Variants in PNKP observed in about 807,000 individuals in gnomAD.
PNKP encodes bifunctional polynucleotide phosphatase/kinase.
A neutral mutation model predicts 66.2 loss-of-function variants in PNKP; 82 were observed. The observed-to-expected ratio is 1.24, with a 90% CI of 1.04 to 1.49. The LOEUF is 1.49. Ranked by LOEUF, PNKP falls within the 40% of genes most tolerant of loss-of-function variation. PNKP has a pLI of 0.00. For synonymous variants in PNKP, 412 were observed against 298.9 expected (o/e 1.38, Z -3.90); for missense variants, 907 against 706.8 (o/e 1.28, Z -3.21).
At chr19:49,863,028 C>T (rs1008720351) in intron 8 of PNKP, among the ~76,000 whole-genome samples, 2 of 152,146 alleles carry the variant, frequency 1.3e-5, no homozygotes, top group Admixed American at 1.3e-4. Context: ...GGCGTGCCGG[C>T]GCCTCCCAGG....
chr19:49,866,267 T>C (rs1000619906), intron 3 of PNKP, 132 bp downstream of exon 3: 106 of 866,478 alleles, frequency 1.2e-4, no homozygotes, highest in Admixed American at 2.4e-4. Context: ...CCCAAAGTGC[T>C]GGGATTACAG....
chr19:49,861,532 C>A lies in PNKP; in HGVS notation c.1387-22G>T, dbSNP rs200307678. The A allele has an allele frequency of 2.1e-5, 26 of 1,226,186 alleles. No homozygotes were observed. The South Asian group carries it at 2.8e-4, about 13-fold the overall frequency. The allele number at this position is 1,226,186 out of a possible 1,614,324, so 76.0% of individuals were successfully genotyped here. On this transcript the variant is annotated intron_variant, in intron 15 of 16. Transcript: ENST00000322344. ...GAAACTGTGGGGAACATCAGAGGGG[C>A]GGCAGGCCCAGGGGTCAGGGGAGGA...
intron 2 of PNKP, chr19:49,866,704 G>A (rs907299452): frequency 1.6e-6 from 1 of 612,878 alleles, no homozygotes. Context: ...CTAGATATAG[G>A]TCCGGGGCTT....
In PNKP at chr19:49,863,941, C is replaced by G. The variant is rs1299264650; in HGVS notation, c.744+23G>C. 5 of 1,579,888 alleles carry G rather than the reference C, an allele frequency of 3.2e-6. No homozygotes were observed. In the Admixed American group the frequency reaches 8.4e-5, roughly 26 times the overall value. ...TGGATCTCTGTGCCCCCACATAGCT[C>G]CCAGCCTCCCTTCCAGCCATACCTG... On this transcript the variant is annotated intron_variant, in intron 7 of 16. Coordinates refer to ENST00000322344, the MANE Select transcript of PNKP (RefSeq NM_007254.4).
chr19:49,867,108 G>A lies in PNKP; in HGVS notation c.97C>T (p.Leu33=), dbSNP rs778423306. 6.2e-7 allele frequency: 1 copy of A among 1,613,626 alleles called. No individual in the cohort carries two copies. Among genetic ancestry groups the A allele is most frequent in the East Asian group, 2.2e-5 (1 of 44,876 alleles). ...ACCTGGGTCAGGGGTCCCCTGCCCA[G>A]GACCAGGGCTTGCCCGTCCGAGGGC... ...FLPSDGQALV[L]GRGPLTQVTD... is the part of the protein sequence containing the mutation. The change falls in exon 2 of 17, where the codon CTG becomes TTG. Residue 33 remains leucine (L), a synonymous_variant. Coordinates refer to ENST00000322344, the MANE Select transcript of PNKP (RefSeq NM_007254.4).
At chr19:49,867,397 G>C (rs1244419410) in intron 1 of PNKP, 72 bp downstream of exon 1, 1 of 638,468 alleles carries the variant, frequency 1.6e-6, no homozygotes, top group Non-Finnish European at 2.7e-6. Context: ...ATCCCTCCCC[G>C]AGTTGCAATC....
Position 49,861,798 on chromosome 19 carries a change from TGTGTTGTC to T in PNKP, c.1264_1271del (p.Asp422LysfsTer69), listed in dbSNP as rs1243918665. 1 of 1,572,904 alleles carries T rather than the reference TGTGTTGTC, an allele frequency of 6.4e-7. No individual in the cohort carries two copies. Among genetic ancestry groups the T allele is most frequent in the Admixed American group, 1.9e-5 (1 of 53,510 alleles). ...TGGCGCGGCTCGCGGCGTCTGGGTT[TGTGTTGTC>T]GATGGCGACCCGTTTCCCTTGCTTC... On this transcript the variant is annotated frameshift_variant, in exon 14 of 17. Coordinates refer to ENST00000322344, the MANE Select transcript of PNKP (RefSeq NM_007254.4). LOFTEE classifies it high-confidence loss of function.
chr19:49,861,752 C>CGGCCCCGCGGTCA lies in PNKP; in HGVS notation c.1298+7_1298+19dup. ...CGCCCACCCCGCCGCAGGCCACCTA[C>CGGCCCCGCGGTCA]GGCCCCGCGGTCACGCTACCTGGCG... On this transcript the variant is annotated intron_variant, in intron 14 of 16. Coordinates refer to ENST00000322344, the MANE Select transcript of PNKP (RefSeq NM_007254.4). The CGGCCCCGCGGTCA allele has an allele frequency of 1.3e-6, 2 of 1,559,046 alleles. No homozygotes were observed. The highest frequency in any genetic ancestry group is 2.3e-5 in the South Asian group (2 of 85,146).
rs747484951 is a variant in PNKP at position 49,863,100 on chromosome 19, G to T, written c.817-362C>A. On this transcript the variant is annotated intron_variant, in intron 8 of 16. Coordinates refer to ENST00000322344, the MANE Select transcript of PNKP (RefSeq NM_007254.4). ...GTGGCCCTGCCCTCTCCCCTCCCTC[G>T]CTTAGAGCCAGCCGCATGGGCCTCG... Among the ~76,000 whole-genome samples, 46 of 152,196 alleles carry T rather than the reference G, an allele frequency of 3.0e-4. No homozygotes were observed. Among genetic ancestry groups the T allele is most frequent in the Admixed American group, 5.9e-4 (9 of 15,286 alleles).
At position 49,861,848 on chromosome 19, in the gene PNKP, T is replaced by G. The variant is rs1381701862; in HGVS notation, c.1222A>C (p.Thr408Pro). 6.3e-7 allele frequency: 1 copy of G among 1,594,366 alleles called. No individual in the cohort carries two copies. Among genetic ancestry groups the G allele is most frequent in the African/African-American group, 1.3e-5 (1 of 74,526 alleles). ...TLGSWQRCVTTCETALKQGKR... is the reference protein window; with the variant it reads ...TLGSWQRCVTPCETALKQGKR... Reference sequence around the variant, plus strand: ...CCTTGCTTCAGGGCTGTCTCACACGTGGTCACACAGCGCTGCCAGGAGCCT... The same window carrying G: ...CCTTGCTTCAGGGCTGTCTCACACGGGGTCACACAGCGCTGCCAGGAGCCT... Residue 408 changes from threonine to proline, a missense_variant, in exon 14 of 17, where the codon ACG becomes CCG. Physicochemically the swap from Thr to Pro is conservative, Grantham distance 38. Coordinates refer to ENST00000322344, the MANE Select transcript of PNKP (RefSeq NM_007254.4).
Position 49,862,701 on chromosome 19 carries a change from A to T in PNKP, c.854T>A (p.Ile285Asn). 6.2e-7 allele frequency: 1 copy of T among 1,614,070 alleles called. No homozygotes were observed. Among genetic ancestry groups the T allele is most frequent in the South Asian group, 1.1e-5 (1 of 91,086 alleles). Residue 285 changes from isoleucine to asparagine, a missense_variant, in exon 9 of 17, where the codon ATC (isoleucine) becomes AAC (asparagine). Coordinates refer to ENST00000322344, the MANE Select transcript of PNKP (RefSeq NM_007254.4). ...CTCCAGGCCCTTACCTCCCACAAAG[A>T]TGCTGTCCCCGATGGATATGGGCGT... ...DGTPISIGDS[I>N]FVGDAAGRPA... is the part of the protein sequence containing the mutation.
rs796052856 is a variant in PNKP at position 49,861,468 on chromosome 19, T to C, written c.1429A>G (p.Met477Val). 4.3e-6 allele frequency: 7 copies of C among 1,613,336 alleles called. No homozygotes were observed. The Admixed American group carries it at 6.7e-5, about 15-fold the overall frequency. ...TDSSHIPVSD[M>V]VMYGYRKQFE... is the part of the protein sequence containing the mutation. The stretch of plus-strand genomic sequence containing the variant: ...CAGTACCTGTAGCCATACATGACCA[T>C]GTCTGACACGGGGATATGAGAGGAG... Residue 477 changes from methionine (M) to valine (V), a missense_variant, in exon 16 of 17, where the codon ATG becomes GTG. Transcript: ENST00000322344.
chr19:49,867,438 C>T (rs1420527452), intron 1 of PNKP, 31 bp downstream of exon 1: 8 of 589,814 alleles, frequency 1.4e-5, no homozygotes, highest in African/African-American at 1.3e-4. Context: ...CAGAGAGCCT[C>T]GCACATGCCT....
rs1277029925 is a variant in PNKP, at chr19:49,866,893, T to C, written c.151+161A>G. 4 of 788,264 alleles carry C rather than the reference T, an allele frequency of 5.1e-6. No individual in the cohort carries two copies. The African/African-American group carries it at 6.8e-5, about 13-fold the overall frequency. The allele number at this position is 788,264 out of a possible 1,614,324, so 48.8% of individuals were successfully genotyped here. ...CTCCCCCAAAGGATCTAGCTAATTC[T>C]AAATCAAGCACAAACTTTATCTTCC... On this transcript the variant is annotated intron_variant, in intron 2 of 16. Coordinates refer to ENST00000322344, the MANE Select transcript of PNKP (RefSeq NM_007254.4).
In PNKP at chr19:49,864,382, C is replaced by G; in HGVS notation, c.520G>C (p.Gly174Arg). 1 of 1,613,890 alleles carries G rather than the reference C, an allele frequency of 6.2e-7. No homozygotes were observed. ...QGKVAGFDLDGTLITTRSGKV... is the reference protein window; with the variant it reads ...QGKVAGFDLDRTLITTRSGKV... ...CCAGAGCGTGTGGTGATGAGCGTCC[C>G]GTCCAGATCAAAGCCAGCCACCTGG... The change falls in exon 5 of 17, where the codon GGG becomes CGG. Residue 174 changes from glycine (G) to arginine (R), a missense_variant. Gly to Arg is a moderately radical substitution (Grantham distance 125). Coordinates refer to ENST00000322344, the MANE Select transcript of PNKP (RefSeq NM_007254.4).
intron 8 of PNKP, chr19:49,862,943 G>A (rs1320360247): frequency 1.0e-5 from 7 of 666,812 alleles, no homozygotes; most frequent in South Asian, 3.3e-5. Context: ...CTCCCTCCAG[G>A]TCTCCCGACT....
Position 49,861,329 on chromosome 19 carries a change from G to C in PNKP, c.1485C>G (p.Phe495Leu). 1 of 1,614,208 alleles carries C rather than the reference G, an allele frequency of 6.2e-7. No homozygotes were observed. Among genetic ancestry groups the C allele is most frequent in the Non-Finnish European group, 8.5e-7 (1 of 1,180,026 alleles). The change falls in exon 17 of 17, where the codon TTC becomes TTG. Residue 495 changes from phenylalanine (F) to leucine (L), a missense_variant. Phe to Leu is a conservative substitution (Grantham distance 22). Coordinates refer to ENST00000322344, the MANE Select transcript of PNKP (RefSeq NM_007254.4). ...GGAACGGGATCTCCAGGATGGCAGA[G>C]AAGCCTTCAGCCAGCGTTGGGGCCT... The part of the protein sequence containing the change: ...QFEAPTLAEG[F>L]SAILEIPFRL...
chr19:49,866,012 T>G, intron 3 of PNKP: 2 of 337,664 alleles, frequency 5.9e-6, no homozygotes, highest in South Asian at 5.0e-5. Context: ...CCCAGCCATA[T>G]TTTTTCTTTT....
intron 8 of PNKP, among the ~76,000 whole-genome samples, chr19:49,863,058 A>G (rs1202287964): frequency 1.3e-5 from 2 of 152,090 alleles, no homozygotes; most frequent in African/African-American, 4.8e-5. Context: ...CCTCAGGGCA[A>G]AAGCGGGGCC....
Sources: allele counts gnomAD v4.1 joint callset (sites outside exome capture counted in the v4.1 genomes callset), GRCh38; gene constraint gnomAD v4.1.1; transcripts MANE v1.5; gene names NCBI Gene and HGNC (gene_info 2026-07-23, HGNC 2026-07-21).